The following OLFM2 variants were observed in gnomAD, a reference collection of about 807,000 sequenced individuals.
The protein encoded by OLFM2 is noelin-2.
A neutral mutation model predicts 43.9 loss-of-function variants in OLFM2; 20 were observed. That is an observed-to-expected ratio of 0.46 (90% confidence interval 0.32 to 0.66). The LOEUF (loss-of-function observed/expected upper bound fraction) is 0.66. Among genes scored for constraint, OLFM2 ranks in the 30% least tolerant of loss-of-function variants. OLFM2 has a pLI of 0.04. For missense variants in OLFM2, 416 were observed against 643.6 expected, an observed-to-expected ratio of 0.65 and a Z score of 3.83; for synonymous variants, 268 against 278.6, an observed-to-expected ratio of 0.96 and a Z score of 0.38.
chr19:9,858,101 T>A (rs2046337554), intron 2 of OLFM2: 2 of 590,734 alleles, frequency 3.4e-6, no homozygotes, highest in South Asian at 1.9e-5. Flanking sequence ...TCTCACCTCC[T>A]CCCTAGTCTC....
chr19:9,926,521 C>T (rs2086454367), intron 1 of OLFM2, among the ~76,000 whole-genome samples: 1 of 152,098 alleles, frequency 6.6e-6, no homozygotes. Flanking sequence ...CACTGCACTC[C>T]AGCCTGGGAC....
intron 1 of OLFM2, among the ~76,000 whole-genome samples, chr19:9,918,010 C>T (rs1048485217): frequency 2.6e-5 from 4 of 151,672 alleles, no homozygotes; most frequent in Non-Finnish European, 4.4e-5. Context: ...TCCCAAGTAG[C>T]TGGGTTTACA....
At position 9,930,690 on chromosome 19, in the gene OLFM2, CA is replaced by C. The variant is rs35821657; in HGVS notation, c.63+5613del. ...TGAAACCCTGTCTCTATTAAAAATA[CA>C]AAAAAAAAAAAATTTAGCCGGCTGT... On this transcript the variant is annotated intron_variant, in intron 1 of 5. Transcript: ENST00000264833. Among the ~76,000 whole-genome samples the C allele has an allele frequency of 4.4e-3, 634 of 143,424 alleles. 3 individuals carry two copies. The highest frequency in any genetic ancestry group is 0.021 in the Middle Eastern group (6 of 282). The allele number at this position is 143,424 out of a possible 152,430, so 94.1% of individuals were successfully genotyped here. A position where few individuals can be genotyped will look rare whatever the true frequency, so the allele number is the denominator to read the frequency against.
At chr19:9,890,664 C>CGGTGTGGACCA (rs2046631038) in intron 1 of OLFM2, among the ~76,000 whole-genome samples, 1 of 152,128 alleles carries the variant, frequency 6.6e-6, no homozygotes, top group African/African-American at 2.4e-5. Flanking sequence ...CTTTAAGAGC[C>CGGTGTGGACCA]GGTGTGGACC....
intron 1 of OLFM2, among the ~76,000 whole-genome samples, chr19:9,872,813 T>C (rs942575968): frequency 1.3e-5 from 2 of 152,110 alleles, no homozygotes; most frequent in Non-Finnish European, 2.9e-5. Context: ...CATTCATCCA[T>C]TCACTCGTAT....
At chr19:9,936,195 C>A (rs1194092611) in intron 1 of OLFM2, 109 bp downstream of exon 1, 2 of 1,259,030 alleles carry the variant, frequency 1.6e-6, no homozygotes, top group African/African-American at 1.5e-5. Flanking sequence ...CGCCGCCCTG[C>A]AGCTGGGGGG....
At chr19:9,895,801 A>G (rs2046678353) in intron 1 of OLFM2, among the ~76,000 whole-genome samples, 1 of 151,826 alleles carries the variant, frequency 6.6e-6, no homozygotes, top group African/African-American at 2.4e-5. Context: ...ACACCTGGCT[A>G]ATTTTTGTAT....
At chr19:9,864,803 T>TG (rs1239378333) in intron 1 of OLFM2, among the ~76,000 whole-genome samples, 1 of 148,296 alleles carries the variant, frequency 6.7e-6, no homozygotes, top group African/African-American at 2.5e-5. Context: ...TTTTTTTTTT[T>TG]TTTTCCTTTT....
chr19:9,891,007 T>G (rs1224643954), intron 1 of OLFM2, among the ~76,000 whole-genome samples: 2 of 151,108 alleles, frequency 1.3e-5, no homozygotes, highest in African/African-American at 4.9e-5. Flanking sequence ...CAGTCTTCCC[T>G]CAGCAACCGC....
At chr19:9,929,911 T>C (rs977999157) in intron 1 of OLFM2, among the ~76,000 whole-genome samples, 4 of 152,018 alleles carry the variant, frequency 2.6e-5, no homozygotes, top group African/African-American at 9.7e-5. Context: ...TGGTGGTGCA[T>C]GCCCGTAATC....
intron 2 of OLFM2, chr19:9,858,234 C>A (rs1412396163): frequency 2.8e-6 from 1 of 352,210 alleles, no homozygotes; most frequent in East Asian, 7.2e-5. Context: ...TGCCCACCCC[C>A]CCCGCCCAAC....
chr19:9,854,609 G>C lies in OLFM2; in HGVS notation c.942C>G (p.Pro314=). The C allele has an allele frequency of 1.2e-6, 2 of 1,614,170 alleles. No individual in the cohort carries two copies. The highest frequency in any genetic ancestry group is 1.7e-6 in the Non-Finnish European group (2 of 1,180,032). The change falls in exon 6 of 6, where the codon CCC becomes CCG. Residue 314 remains proline, a synonymous_variant. Coordinates refer to ENST00000264833, the MANE Select transcript of OLFM2 (RefSeq NM_058164.4). This position sits in a 1 kb window ranked among gnomAD's most constrained non-coding sequence, Gnocchi z 9.5. The stretch of plus-strand genomic sequence containing the variant: ...TGTCGGAGAAGCCGCCCCAGGAGTA[G>C]GGGAAGGTGTTGTTGTAACCGGCGC... ...LPGAGYNNTF[P]YSWGGFSDMD...
intron 1 of OLFM2, among the ~76,000 whole-genome samples, chr19:9,900,410 G>GA (rs1226482922): frequency 1.3e-5 from 2 of 152,104 alleles, no homozygotes; most frequent in African/African-American, 4.8e-5. Context: ...GAAAAGGCTG[G>GA]AAAATGAGAC....
intron 1 of OLFM2, among the ~76,000 whole-genome samples, chr19:9,929,155 TG>T (rs2086469141): frequency 1.3e-5 from 2 of 152,162 alleles, no homozygotes; most frequent in Admixed American, 1.3e-4. Flanking sequence ...GTTCCTGTCA[TG>T]ACAAGTTTTT....
intron 1 of OLFM2, among the ~76,000 whole-genome samples, chr19:9,916,550 T>C (rs1166397695): frequency 6.6e-6 from 1 of 152,042 alleles, no homozygotes; most frequent in East Asian, 1.9e-4. Flanking sequence ...AGCAGGGAAG[T>C]GGGGGCCCAG....
At chr19:9,894,223 G>C (rs892455071) in intron 1 of OLFM2, among the ~76,000 whole-genome samples, 3 of 151,478 alleles carry the variant, frequency 2.0e-5, no homozygotes, top group African/African-American at 4.9e-5. Context: ...AACCCGGGAA[G>C]GGGAGGTTGC....
intron 1 of OLFM2, chr19:9,913,359 A>C: frequency 2.3e-6 from 1 of 437,622 alleles, no homozygotes; most frequent in Non-Finnish European, 3.1e-6. Flanking sequence ...CGTGCCGGGC[A>C]GGGTCGTGGG....
intron 1 of OLFM2, among the ~76,000 whole-genome samples, chr19:9,920,765 G>A (rs1283756510): frequency 6.8e-6 from 1 of 147,272 alleles, no homozygotes; most frequent in Non-Finnish European, 1.5e-5. Context: ...AAAGTAGCCA[G>A]GTGTGGTGGC....
chr19:9,873,181 C>T (rs770447818), intron 1 of OLFM2, among the ~76,000 whole-genome samples: 4 of 152,174 alleles, frequency 2.6e-5, no homozygotes, highest in Non-Finnish European at 4.4e-5. Flanking sequence ...CTCACTCTGC[C>T]GCGCAGGCTG....
Sources: allele counts gnomAD v4.1 joint callset (sites outside exome capture counted in the v4.1 genomes callset), GRCh38; gene constraint gnomAD v4.1.1; non-coding constraint Gnocchi (gnomAD v3.1); transcripts MANE v1.5; gene names NCBI Gene and HGNC (gene_info 2026-07-23, HGNC 2026-07-21).